The following HIPK3 variants were observed in gnomAD, a reference collection of about 807,000 sequenced individuals.
HIPK3 encodes homeodomain-interacting protein kinase 3.
In HIPK3, 47 loss-of-function variants were observed where a neutral mutation model predicts 124.2. The ratio of observed to expected loss-of-function variants is 0.38; its 90% CI spans 0.30 to 0.48. The LOEUF (loss-of-function observed/expected upper bound fraction) is 0.48. HIPK3 is among the 20% of genes least tolerant of loss of function. The pLI is 0.98. For synonymous variants in HIPK3, 482 were observed against 515.2 expected (o/e 0.94, Z 0.87); for missense variants, 1,286 against 1,454.3 (o/e 0.88, Z 1.88).
chr11:33,334,807 A>C (rs764669925), intron 3 of HIPK3, among the ~76,000 whole-genome samples: 9 of 152,242 alleles, frequency 5.9e-5, no homozygotes, highest in Non-Finnish European at 1.0e-4. Context: ...AGTGACTAAC[A>C]GATGCACATT....
chr11:33,331,972 C>A (rs1312509929), intron 3 of HIPK3, among the ~76,000 whole-genome samples: 1 of 152,144 alleles, frequency 6.6e-6, no homozygotes, highest in African/African-American at 2.4e-5. Flanking sequence ...TGGTTTACTG[C>A]AAAGTTGAAC....
intron 2 of HIPK3, among the ~76,000 whole-genome samples, chr11:33,289,922 C>T (rs1185957159): frequency 6.6e-6 from 1 of 152,140 alleles, no homozygotes; most frequent in Non-Finnish European, 1.5e-5. Context: ...GAAGTTTTGT[C>T]TTTCTGTGCC....
At chr11:33,313,411 A>G (rs1055394061) in intron 2 of HIPK3, among the ~76,000 whole-genome samples, 2 of 152,168 alleles carry the variant, frequency 1.3e-5, no homozygotes, top group African/African-American at 4.8e-5. Context: ...GCTATGCAAG[A>G]GCTTGTTTTG....
At chr11:33,341,329 C>T (rs142127381) in intron 7 of HIPK3, among the ~76,000 whole-genome samples, 9 of 152,270 alleles carry the variant, frequency 5.9e-5, no homozygotes, top group South Asian at 2.1e-4. Flanking sequence ...TGCCATTCCT[C>T]TCTTCATTCT....
Position 33,261,448 on chromosome 11 carries a change from T to C in HIPK3, c.-3+3559T>C, listed in dbSNP as rs1187658553. Among the ~76,000 whole-genome samples, 8 of 152,220 alleles carry C rather than the reference T, an allele frequency of 5.3e-5. No individual in the cohort carries two copies. The East Asian group carries it at 1.5e-3, about 29-fold the overall frequency. Reference sequence around the variant, plus strand: ...GTTCTCATCATTTAGCTTCCACTTATAAGTGAGAATGTGTGGTATTTGGTT... The same window carrying C: ...GTTCTCATCATTTAGCTTCCACTTACAAGTGAGAATGTGTGGTATTTGGTT... On this transcript the variant is annotated intron_variant, in intron 1 of 16. Coordinates refer to ENST00000303296, the MANE Select transcript of HIPK3 (RefSeq NM_005734.5).
chr11:33,347,251 G>A (rs1265586449), intron 8 of HIPK3, 42 bp from the exon 9 acceptor site: 1 of 1,559,666 alleles, frequency 6.4e-7, no homozygotes, highest in Non-Finnish European at 8.7e-7. Flanking sequence ...TTAAATAAGA[G>A]GAAGATTTTT....
chr11:33,336,607 A>G (rs1160243620), intron 3 of HIPK3, among the ~76,000 whole-genome samples: 1 of 152,180 alleles, frequency 6.6e-6, no homozygotes, highest in African/African-American at 2.4e-5. Flanking sequence ...CTGGCATATA[A>G]TCCAAATTTC....
At chr11:33,321,250 A>G (rs1852655197) in intron 2 of HIPK3, among the ~76,000 whole-genome samples, 1 of 152,190 alleles carries the variant, frequency 6.6e-6, no homozygotes, top group Admixed American at 6.5e-5. Context: ...GATAAGAGCT[A>G]TCTGGGTGGA....
intron 2 of HIPK3, among the ~76,000 whole-genome samples, chr11:33,320,047 C>T (rs1454917440): frequency 6.6e-6 from 1 of 152,172 alleles, no homozygotes; most frequent in African/African-American, 2.4e-5. Flanking sequence ...TCTCTTCTCC[C>T]AGATATTTTT....
intron 1 of HIPK3, among the ~76,000 whole-genome samples, chr11:33,279,768 A>G (rs1851364891): frequency 1.3e-5 from 2 of 152,186 alleles, no homozygotes; most frequent in African/African-American, 4.8e-5. Flanking sequence ...TCTGGAGGCT[A>G]AGTTCAAGAT....
chr11:33,292,885 G>A (rs1590366116), intron 2 of HIPK3, among the ~76,000 whole-genome samples: 2 of 152,094 alleles, frequency 1.3e-5, no homozygotes, highest in Admixed American at 6.5e-5. Context: ...ACAGGCGCCC[G>A]CCACCACGCC....
intron 3 of HIPK3, chr11:33,335,643 A>G (rs1404631089): frequency 6.6e-6 from 1 of 151,496 alleles, no homozygotes; most frequent in Non-Finnish European, 1.5e-5. Flanking sequence ...AGGGAGGTTT[A>G]CTTTTTTTTT....
At chr11:33,344,393 G>A (rs2133992064) in intron 8 of HIPK3, among the ~76,000 whole-genome samples, 1 of 152,288 alleles carries the variant, frequency 6.6e-6, no homozygotes, top group East Asian at 1.9e-4. Context: ...ATTTCACGAA[G>A]ATTTAGAATA....
intron 2 of HIPK3, among the ~76,000 whole-genome samples, chr11:33,322,783 G>A (rs553386400): frequency 1.4e-4 from 22 of 152,272 alleles, no homozygotes; most frequent in African/African-American, 4.6e-4. Flanking sequence ...TCAAGGCTGC[G>A]CCACTGCACT....
intron 2 of HIPK3, among the ~76,000 whole-genome samples, chr11:33,319,901 G>C (rs1852615391): frequency 1.3e-5 from 2 of 152,196 alleles, no homozygotes; most frequent in African/African-American, 4.8e-5. Flanking sequence ...AGGAAGAAAG[G>C]CAAGTGCCAT....
intron 8 of HIPK3, 32 bp downstream of exon 8, chr11:33,341,718 T>C (rs746360035): frequency 1.3e-6 from 2 of 1,550,894 alleles, no homozygotes; most frequent in Non-Finnish European, 1.8e-6. Context: ...GCTTTGAATC[T>C]AGGCATGCTT....
chr11:33,327,301 C>G (rs1005885761), intron 2 of HIPK3, among the ~76,000 whole-genome samples: 33 of 152,202 alleles, frequency 2.2e-4, no homozygotes, highest in African/African-American at 7.0e-4. Flanking sequence ...TGATGTTCCT[C>G]TGAATCTAAT....
chr11:33,347,849 T>G lies in HIPK3; in HGVS notation c.2145-3T>G, dbSNP rs753339603. On this transcript the variant is annotated splice_polypyrimidine_tract_variant and splice_region_variant and intron_variant, in intron 10 of 16. Transcript: ENST00000303296. Reference sequence around the variant, plus strand: ...AAAAACATTGTTCTGAACTTCTCCCTAGGAAGATGATTTCATGCAGCAATC... The same window carrying G: ...AAAAACATTGTTCTGAACTTCTCCCGAGGAAGATGATTTCATGCAGCAATC... The G allele has an allele frequency of 1.2e-6, 2 of 1,614,098 alleles. No individual in the cohort carries two copies. The highest frequency in any genetic ancestry group is 1.7e-6 in the Non-Finnish European group (2 of 1,179,964).
intron 1 of HIPK3, chr11:33,258,435 G>A (rs1850731401): frequency 1.0e-6 from 1 of 985,366 alleles, no homozygotes; most frequent in Non-Finnish European, 1.2e-6. Context: ...GCGGAGCAGC[G>A]GGTTTGCAGG....
Sources: gnomAD v4.1 joint callset for allele counts (sites outside exome capture counted in the v4.1 genomes callset) on GRCh38, gnomAD v4.1.1 for gene constraint, MANE v1.5 for transcripts, NCBI Gene and HGNC (gene_info 2026-07-23, HGNC 2026-07-21) for gene names.